RTTN: variants seen among roughly 807,000 people sequenced by gnomAD.
RTTN encodes rotatin.
A neutral mutation model predicts 269.2 loss-of-function variants in RTTN; 182 were observed. That is an observed-to-expected ratio of 0.68 (90% confidence interval 0.60 to 0.76). The LOEUF is 0.76. Ranked by LOEUF, RTTN falls within the 30% of genes least tolerant of loss-of-function variation. The pLI, the probability that RTTN is intolerant of heterozygous loss-of-function variation, is 0.00. For synonymous variants in RTTN, 1,006 were observed against 963.5 expected, an observed-to-expected ratio of 1.04 and a Z score of -0.82; for missense variants, 2,545 against 2,608.6, an observed-to-expected ratio of 0.98 and a Z score of 0.53.
chr18:70,080,070 C>T (rs1294153072), intron 32 of RTTN, among the ~76,000 whole-genome samples: 1 of 151,872 alleles, frequency 6.6e-6, no homozygotes, highest in Non-Finnish European at 1.5e-5. Flanking sequence ...TATCAGTTTA[C>T]CAAGTACTCA....
intron 40 of RTTN, among the ~76,000 whole-genome samples, chr18:70,037,731 G>C (rs1297098193): frequency 1.3e-5 from 2 of 152,142 alleles, no homozygotes; most frequent in Non-Finnish European, 2.9e-5. Flanking sequence ...GAAAAGCAGA[G>C]GGGAAAGTAA....
chr18:70,123,460 A>T (rs144096874), intron 25 of RTTN, among the ~76,000 whole-genome samples: 3 of 151,982 alleles, frequency 2.0e-5, no homozygotes, highest in African/African-American at 7.2e-5. Context: ...GAATTTTGTA[A>T]CCTCTCAGCA....
At chr18:70,139,538 A>T in intron 21 of RTTN, 61 bp downstream of exon 21, 1 of 1,047,130 alleles carries the variant, frequency 9.5e-7, no homozygotes, top group Non-Finnish European at 1.5e-6. Flanking sequence ...ACTTACAATT[A>T]AAGAAGAAAC....
intron 34 of RTTN, among the ~76,000 whole-genome samples, chr18:70,070,153 G>A (rs891096048): frequency 3.9e-5 from 6 of 152,194 alleles, no homozygotes; most frequent in African/African-American, 1.4e-4. Context: ...CTAACCAAAG[G>A]ACCACTTAAA....
At chr18:70,081,211 CTG>C (rs2058559078) in intron 32 of RTTN, among the ~76,000 whole-genome samples, 1 of 152,094 alleles carries the variant, frequency 6.6e-6, no homozygotes, top group Non-Finnish European at 1.5e-5. Flanking sequence ...AAGATACAAA[CTG>C]TGTGCAGTGT....
Position 70,065,895 on chromosome 18 carries a change from A to G in RTTN, c.4681T>C (p.Phe1561Leu). The change falls in exon 35 of 49, where the codon TTT becomes CTT. Residue 1561 changes from phenylalanine (F) to leucine (L), a missense_variant. Phe to Leu is a conservative substitution (Grantham distance 22). Transcript: ENST00000640769. Reference protein sequence around the residue: ...TVAPSLGSTEFQPLVQSTTLL... With the variant: ...TVAPSLGSTELQPLVQSTTLL... ...GTTGTTGACTGCACAAGTGGCTGAA[A>G]TTCAGTACTCCCCAATGAAGGTGCC... 6.2e-7 allele frequency: 1 copy of G among 1,603,504 alleles called. No homozygotes were observed. The highest frequency in any genetic ancestry group is 2.2e-5 in the East Asian group (1 of 44,638).
chr18:70,191,870 G>T (rs1392238638), intron 8 of RTTN, among the ~76,000 whole-genome samples: 2 of 152,200 alleles, frequency 1.3e-5, no homozygotes, highest in African/African-American at 4.8e-5. Context: ...TGAGGAAGCT[G>T]TTCACTCAGG....
chr18:70,068,951 A>G (rs1167898533), intron 34 of RTTN, among the ~76,000 whole-genome samples: 3 of 152,164 alleles, frequency 2.0e-5, no homozygotes, highest in African/African-American at 7.2e-5. Flanking sequence ...GGCTGATGCT[A>G]CTTAAAGGTA....
chr18:70,169,141 T>C, intron 11 of RTTN, 74 bp from the exon 12 acceptor site: 4 of 1,120,786 alleles, frequency 3.6e-6, no homozygotes, highest in Non-Finnish European at 3.7e-6. Context: ...CATAGTGGGC[T>C]ATAGTCTTAA....
chr18:70,163,490 A>G (rs561147458), intron 14 of RTTN, among the ~76,000 whole-genome samples: 1 of 152,300 alleles, frequency 6.6e-6, no homozygotes, highest in South Asian at 2.1e-4. Flanking sequence ...GGAAAACAGT[A>G]GGGCAATTCC....
chr18:70,102,601 C>A (rs2059199639), intron 28 of RTTN, among the ~76,000 whole-genome samples: 1 of 152,106 alleles, frequency 6.6e-6, no homozygotes. Context: ...TGTGTGAATT[C>A]AATCCTGTCA....
intron 41 of RTTN, among the ~76,000 whole-genome samples, chr18:70,030,658 C>A (rs895550707): frequency 1.1e-4 from 17 of 152,134 alleles, no homozygotes; most frequent in Admixed American, 5.2e-4. Context: ...AGAACCATCA[C>A]ATATTAAACA....
intron 14 of RTTN, among the ~76,000 whole-genome samples, chr18:70,152,117 T>A (rs1265315930): frequency 2.0e-5 from 3 of 152,188 alleles, no homozygotes; most frequent in Non-Finnish European, 2.9e-5. Flanking sequence ...CTCCCTCTGT[T>A]CCCAACTTCT....
intron 37 of RTTN, among the ~76,000 whole-genome samples, chr18:70,055,624 T>C (rs1348425803): frequency 6.6e-6 from 1 of 152,194 alleles, no homozygotes; most frequent in Non-Finnish European, 1.5e-5. Context: ...TACTCTACAC[T>C]ACTGAAATTA....
chr18:70,059,969 AAC>A lies in RTTN; in HGVS notation c.4819_4820del (p.Val1607PhefsTer40), dbSNP rs1160051904. 1.9e-6 allele frequency: 3 copies of A among 1,613,962 alleles called. No homozygotes were observed. The highest frequency in any genetic ancestry group is 2.2e-5 in the East Asian group (1 of 44,898). On this transcript the variant is annotated frameshift_variant, in exon 36 of 49. Transcript: ENST00000640769. LOFTEE classifies it high-confidence loss of function. ...CTGAAAGAAGAGATGGAGTAACAAA[AAC>A]ACACAGTTTGGGCAGGGGAGCAGAA... ...SLSAPLPKLC[V>X]FVTPSLLSAM...
Position 70,184,703 on chromosome 18 carries a change from G to GTTTTTTTTTTT in RTTN, c.1305+3394_1305+3404dup, listed in dbSNP as rs374636456. Among the ~76,000 whole-genome samples, 80 of 26,370 alleles carry GTTTTTTTTTTT rather than the reference G, an allele frequency of 3.0e-3. 27 individuals carry two copies. Among genetic ancestry groups the GTTTTTTTTTTT allele is most frequent in the Middle Eastern group, 0.029 (1 of 34 alleles). 17.3% of individuals were successfully genotyped at this position (26,370 alleles called of 152,430 possible). A position where few individuals can be genotyped will look rare whatever the true frequency, so the allele number is the denominator to read the frequency against. ...TCAATTCCATTCAAAACCACAGCAG[G>GTTTTTTTTTTT]TTTTTTTTTTTTTTGTGTGTGTGTG... On this transcript the variant is annotated intron_variant, in intron 10 of 48. Coordinates refer to ENST00000640769, the MANE Select transcript of RTTN (RefSeq NM_173630.4).
rs59000945 is a variant in RTTN at position 70,184,716 on chromosome 18, T to TTTTTGTGTGTGTG, written c.1305+3391_1305+3392insCACACACACAAAA. On this transcript the variant is annotated intron_variant, in intron 10 of 48. Transcript: ENST00000640769. ...AAACCACAGCAGGTTTTTTTTTTTT[T>TTTTTGTGTGTGTG]TGTGTGTGTGTGTGTGTGTGTGTGT... is the stretch of plus-strand genomic sequence containing the variant. Among the ~76,000 whole-genome samples, 29 of 33,450 alleles carry TTTTTGTGTGTGTG rather than the reference T, an allele frequency of 8.7e-4. 1 individual carries two copies. The highest frequency in any genetic ancestry group is 1.7e-3 in the South Asian group (1 of 604). 21.9% of individuals were successfully genotyped at this position (33,450 alleles called of 152,430 possible). A position where few individuals can be genotyped will look rare whatever the true frequency, so the allele number is the denominator to read the frequency against.
At chr18:70,079,605 C>G (rs2058512066) in intron 32 of RTTN, among the ~76,000 whole-genome samples, 1 of 152,098 alleles carries the variant, frequency 6.6e-6, no homozygotes, top group African/African-American at 2.4e-5. Context: ...CTCAAGACTT[C>G]TGTATCATGA....
intron 34 of RTTN, among the ~76,000 whole-genome samples, chr18:70,073,132 T>C (rs2058341131): frequency 1.3e-5 from 2 of 152,174 alleles, no homozygotes; most frequent in Non-Finnish European, 2.9e-5. Context: ...CCTGATATGT[T>C]GTATAATACA....
Sources: allele counts gnomAD v4.1 joint callset (sites outside exome capture counted in the v4.1 genomes callset), GRCh38; gene constraint gnomAD v4.1.1; transcripts MANE v1.5; gene names NCBI Gene and HGNC (gene_info 2026-07-23, HGNC 2026-07-21).